RIN3: variants seen among roughly 807,000 people sequenced by gnomAD.
The protein encoded by RIN3 is Ras and Rab interactor 3, also known as RAB5 interacting protein 3.
RIN3 carries 54 observed loss-of-function variants against 76.3 expected under a neutral mutation model. The observed-to-expected ratio is 0.71, with a 90% CI of 0.57 to 0.89. The LOEUF (loss-of-function observed/expected upper bound fraction) is 0.89. Among genes scored for constraint, RIN3 ranks in the 40% least tolerant of loss-of-function variants. The pLI is 0.00. For missense variants in RIN3, 1,256 were observed against 1,322.1 expected (o/e 0.95, Z 0.78); for synonymous variants, 576 against 564.0 (o/e 1.02, Z -0.30).
rs189522772 is a variant in RIN3, at chr14:92,554,193, C to A, written c.45-1558C>A. Among the ~76,000 whole-genome samples, 12 of 152,240 alleles carry A rather than the reference C, an allele frequency of 7.9e-5. No homozygotes were observed. The East Asian group carries it at 2.3e-3, about 29-fold the overall frequency. On this transcript the variant is annotated intron_variant, in intron 1 of 9. Coordinates refer to ENST00000216487, the MANE Select transcript of RIN3 (RefSeq NM_024832.5). ...CTTAGGTAGAATGCACACAGACCTT[C>A]TGGCCCACCCAACTCAGGATGCGAG... is the stretch of plus-strand genomic sequence containing the variant.
At chr14:92,535,572 G>T (rs11851363) in intron 1 of RIN3, among the ~76,000 whole-genome samples, 151,533 of 152,058 alleles carry the variant, frequency 1, 75,508 homozygotes, top group Middle Eastern at 1. Context: ...GAAGTCTCTC[G>T]ACCATCAGAT....
chr14:92,541,291 T>G (rs912602566), intron 1 of RIN3, among the ~76,000 whole-genome samples: 2 of 104,752 alleles, frequency 1.9e-5, no homozygotes, highest in Admixed American at 2.1e-4. Flanking sequence ...CCAAAAGCAT[T>G]GTGGAGCTAC....
chr14:92,535,429 G>A (rs796570846), intron 1 of RIN3, among the ~76,000 whole-genome samples: 20 of 151,190 alleles, frequency 1.3e-4, no homozygotes, highest in African/African-American at 4.6e-4. Flanking sequence ...CACCTCCCGG[G>A]CGAGCTTTCA....
intron 3 of RIN3, among the ~76,000 whole-genome samples, chr14:92,590,665 A>G (rs1055409365): frequency 2.6e-5 from 4 of 152,202 alleles, no homozygotes; most frequent in African/African-American, 9.7e-5. Flanking sequence ...ATAGCAATGC[A>G]AGAATGGCCT....
intron 1 of RIN3, among the ~76,000 whole-genome samples, chr14:92,530,503 G>GTTGTT (rs1324092542): frequency 6.6e-6 from 1 of 152,134 alleles, no homozygotes; most frequent in Non-Finnish European, 1.5e-5. Context: ...TCGAGTTTTT[G>GTTGTT]TTGTTTTGTT....
At chr14:92,667,715 C>T (rs1324790891) in intron 7 of RIN3, among the ~76,000 whole-genome samples, 1 of 152,164 alleles carries the variant, frequency 6.6e-6, no homozygotes, top group East Asian at 1.9e-4. Context: ...GCCCTCTCAT[C>T]TCTAACTCAA....
chr14:92,661,754 C>CAAAAAA (rs796462501), intron 7 of RIN3, among the ~76,000 whole-genome samples: 3 of 133,594 alleles, frequency 2.2e-5, no homozygotes, highest in East Asian at 4.6e-4. Flanking sequence ...CACACACACA[C>CAAAAAA]ACACAAAAAA....
intron 3 of RIN3, among the ~76,000 whole-genome samples, chr14:92,613,492 A>G (rs756272855): frequency 1.3e-5 from 2 of 152,236 alleles, no homozygotes; most frequent in African/African-American, 2.4e-5. Flanking sequence ...ACTGTTAAGA[A>G]CAGTGTTTGA....
chr14:92,650,150 C>A (rs1566885716), intron 5 of RIN3, among the ~76,000 whole-genome samples: 1 of 152,184 alleles, frequency 6.6e-6, no homozygotes, highest in Non-Finnish European at 1.5e-5. Flanking sequence ...TGCAAGCCAC[C>A]CTGCTACTCA....
At chr14:92,555,123 A>G (rs146957950) in intron 1 of RIN3, among the ~76,000 whole-genome samples, 1 of 152,188 alleles carries the variant, frequency 6.6e-6, no homozygotes, top group Non-Finnish European at 1.5e-5. Context: ...AGGTGTAGAC[A>G]TATGTAAAAA....
At chr14:92,609,559 G>A (rs547654793) in intron 3 of RIN3, among the ~76,000 whole-genome samples, 119 of 152,328 alleles carry the variant, frequency 7.8e-4, no homozygotes, top group Non-Finnish European at 1.4e-3. Context: ...TAGGCTGGCC[G>A]GCTCCCTGCC....
chr14:92,535,322 TTTTC>T (rs1268838843), intron 1 of RIN3, among the ~76,000 whole-genome samples: 13 of 150,490 alleles, frequency 8.6e-5, no homozygotes, highest in Admixed American at 4.0e-4. Flanking sequence ...CTTTTTTTTC[TTTTC>T]TTTCTTTCTT....
Position 92,651,911 on chromosome 14 carries a change from CCCCTGCAG to C in RIN3, c.874_881del (p.Cys292SerfsTer129), listed in dbSNP as rs1421724777. The C allele has an allele frequency of 2.2e-6, 3 of 1,333,590 alleles. No homozygotes were observed. The highest frequency in any genetic ancestry group is 3.0e-6 in the Non-Finnish European group (3 of 990,594). The allele number at this position is 1,333,590 out of a possible 1,614,324, so 82.6% of individuals were successfully genotyped here. A position where few individuals can be genotyped will look rare whatever the true frequency, so the allele number is the denominator to read the frequency against. ...CCCACCACCCCCTCCCCCAGTGCTGCCCCTGCAGCCCTGCAGCCCAGCCCAGCCCCCTG... is the reference window on the plus strand; with the variant it reads ...CCCACCACCCCCTCCCCCAGTGCTGCCCCTGCAGCCCAGCCCAGCCCCCTG... On this transcript the variant is annotated frameshift_variant, in exon 6 of 10. Transcript: ENST00000216487. LOFTEE classifies it high-confidence loss of function.
chr14:92,657,842 C>G (rs763008537), intron 6 of RIN3, among the ~76,000 whole-genome samples: 3 of 152,154 alleles, frequency 2.0e-5, no homozygotes, highest in Non-Finnish European at 4.4e-5. Flanking sequence ...TGGGCCAGCT[C>G]CAGGCCTGAG....
chr14:92,539,015 C>A (rs181147861), intron 1 of RIN3, among the ~76,000 whole-genome samples: 3 of 152,194 alleles, frequency 2.0e-5, no homozygotes, highest in African/African-American at 7.2e-5. Flanking sequence ...ATGGCCTCAG[C>A]TCATCCCAAT....
chr14:92,620,645 G>A (rs369632381), intron 4 of RIN3, among the ~76,000 whole-genome samples: 31 of 152,252 alleles, frequency 2.0e-4, no homozygotes, highest in African/African-American at 7.0e-4. Flanking sequence ...CACAAGCAAA[G>A]CCAGAGGAGA....
Position 92,659,330 on chromosome 14 carries a change from C to T in RIN3, c.2196C>T (p.Ser732=), listed in dbSNP as rs764825931. 15 of 1,612,400 alleles carry T rather than the reference C, an allele frequency of 9.3e-6. No individual in the cohort carries two copies. Among genetic ancestry groups the T allele is most frequent in the South Asian group, 3.3e-5 (3 of 90,868 alleles). ...TTTTDLGVTT[S]VPEVPMMEKI... ...CCACTGACCTAGGTGTGACCACCAG[C>T]GTGCCGGAGGTGCCCATGATGGAGA... The change falls in exon 7 of 10, where the codon AGC becomes AGT. Residue 732 remains serine, a synonymous_variant. Transcript: ENST00000216487.
chr14:92,677,085 G>A (rs994805123), intron 8 of RIN3, among the ~76,000 whole-genome samples: 1 of 152,192 alleles, frequency 6.6e-6, no homozygotes, highest in Non-Finnish European at 1.5e-5. Flanking sequence ...TCAGTTCTTA[G>A]ACAGGGGTGA....
chr14:92,526,886 C>T lies in RIN3; in HGVS notation c.44+12910C>T, dbSNP rs113904998. Among the ~76,000 whole-genome samples the T allele has an allele frequency of 2.4e-3, 369 of 152,216 alleles. 1 individual carries two copies. Among genetic ancestry groups the T allele is most frequent in the Admixed American group, 4.2e-3 (64 of 15,298 alleles). On this transcript the variant is annotated intron_variant, in intron 1 of 9. Coordinates refer to ENST00000216487, the MANE Select transcript of RIN3 (RefSeq NM_024832.5). ...AGGCCAGAAGTCTGAAATCAAGTTA[C>T]AGCCATTCTCCCTCCAAAGGCCTTC... is the stretch of plus-strand genomic sequence containing the variant.
Sources: allele counts gnomAD v4.1 joint callset (sites outside exome capture counted in the v4.1 genomes callset), GRCh38; gene constraint gnomAD v4.1.1; transcripts MANE v1.5; gene names NCBI Gene and HGNC (gene_info 2026-07-23, HGNC 2026-07-21).